NRG1: variants seen among roughly 807,000 people sequenced by gnomAD.
NRG1 encodes the protein pro-neuregulin-1, membrane-bound isoform.
A neutral mutation model predicts 63.8 loss-of-function variants in NRG1; 18 were observed. That is an observed-to-expected ratio of 0.28 (90% CI 0.19 to 0.42). NRG1 has a LOEUF of 0.42. Among genes scored for constraint, NRG1 ranks in the 10% least tolerant of loss-of-function variants. The probability of loss-of-function intolerance (pLI) is 1.00; values close to 1 mark genes in which losing one functional copy is unlikely to be tolerated. For synonymous variants in NRG1, 302 were observed against 301.3 expected (o/e 1.00, Z -0.02); for missense variants, 762 against 814.7 (o/e 0.94, Z 0.79).
At chr8:32,602,952 CTAATAT>C (rs773287751) in intron 2 of NRG1, among the ~76,000 whole-genome samples, 3 of 152,124 alleles carry the variant, frequency 2.0e-5, no homozygotes, top group Non-Finnish European at 4.4e-5. Flanking sequence ...GGGTGATATT[CTAATAT>C]TGTTTTATTT....
chr8:32,194,752 T>C (rs1842809586), intron 1 of NRG1, among the ~76,000 whole-genome samples: 1 of 152,156 alleles, frequency 6.6e-6, no homozygotes, highest in African/African-American at 2.4e-5. Context: ...AAAGCAATCT[T>C]ACCTGAGAAA....
intron 3 of NRG1, among the ~76,000 whole-genome samples, chr8:32,611,283 A>C (rs1393840943): frequency 6.6e-6 from 1 of 152,082 alleles, no homozygotes; most frequent in Non-Finnish European, 1.5e-5. Context: ...ATTTTTATAA[A>C]ATTTAATTAA....
At chr8:32,507,105 G>C (rs1008374883) in intron 1 of NRG1, among the ~76,000 whole-genome samples, 6 of 152,106 alleles carry the variant, frequency 3.9e-5, no homozygotes, top group Non-Finnish European at 7.3e-5. Flanking sequence ...TGATGGGAGA[G>C]AGGGAAGATA....
intron 5 of NRG1, among the ~76,000 whole-genome samples, chr8:32,727,080 C>T (rs1822398455): frequency 6.6e-6 from 1 of 152,112 alleles, no homozygotes; most frequent in Non-Finnish European, 1.5e-5. Flanking sequence ...TGAGAAGAAA[C>T]ATCCTGGTAC....
chr8:32,286,760 G>A (rs1032805024), intron 1 of NRG1, among the ~76,000 whole-genome samples: 1 of 152,122 alleles, frequency 6.6e-6, no homozygotes, highest in African/African-American at 2.4e-5. Flanking sequence ...ACACTTAGAG[G>A]CCGAGGCAGG....
intron 1 of NRG1, chr8:32,026,419 T>C (rs1426586228): frequency 6.6e-6 from 1 of 152,200 alleles, no homozygotes; most frequent in African/African-American, 2.4e-5. Context: ...ATGGGTCTTT[T>C]TCTATGAATT....
intron 1 of NRG1, among the ~76,000 whole-genome samples, chr8:31,710,400 G>A (rs956111044): frequency 1.3e-5 from 2 of 151,792 alleles, no homozygotes; most frequent in Non-Finnish European, 2.9e-5. Context: ...CTAATATAAA[G>A]TATTTTTGGT....
chr8:32,080,764 C>CGTGTGTGT (rs3084557), intron 1 of NRG1, among the ~76,000 whole-genome samples: 11 of 148,728 alleles, frequency 7.4e-5, no homozygotes, highest in African/African-American at 2.7e-4. Context: ...TGTGTGTGTG[C>CGTGTGTGT]GTGTGTGTGT....
intron 1 of NRG1, among the ~76,000 whole-genome samples, chr8:32,204,593 G>A (rs193144490): frequency 1.7e-3 from 258 of 152,314 alleles, no homozygotes; most frequent in Admixed American, 3.3e-3. Flanking sequence ...AGTGAATTAT[G>A]AGAAGTAAAT....
chr8:32,177,734 A>T (rs1275953869), intron 1 of NRG1, among the ~76,000 whole-genome samples: 1 of 152,040 alleles, frequency 6.6e-6, no homozygotes, highest in Non-Finnish European at 1.5e-5. Context: ...ATCAAAATAA[A>T]CCACTTTGCA....
At chr8:32,235,575 C>G (rs1039859550) in intron 1 of NRG1, among the ~76,000 whole-genome samples, 5 of 152,036 alleles carry the variant, frequency 3.3e-5, no homozygotes, top group Non-Finnish European at 7.4e-5. Context: ...AGGATGAGAC[C>G]AGAAGGGGTC....
chr8:32,543,719 TAG>T (rs1563609493), upstream of NRG1, among the ~76,000 whole-genome samples: 1 of 152,294 alleles, frequency 6.6e-6, no homozygotes, highest in East Asian at 1.9e-4. Flanking sequence ...AACATAAACA[TAG>T]ATTTGATTTT....
At chr8:32,373,853 C>A (rs1809266575) in intron 1 of NRG1, among the ~76,000 whole-genome samples, 1 of 152,040 alleles carries the variant, frequency 6.6e-6, no homozygotes, top group Admixed American at 6.6e-5. Flanking sequence ...TTAAAAAAAA[C>A]TTGAGAAATG....
intron 1 of NRG1, among the ~76,000 whole-genome samples, chr8:32,357,718 A>G (rs1587031150): frequency 1.3e-5 from 2 of 152,070 alleles, no homozygotes; most frequent in South Asian, 2.1e-4. Context: ...ATGACAATTT[A>G]TCTATTCACT....
At chr8:31,897,699 G>C (rs1418618265) in intron 1 of NRG1, among the ~76,000 whole-genome samples, 1 of 152,022 alleles carries the variant, frequency 6.6e-6, no homozygotes, top group Non-Finnish European at 1.5e-5. Flanking sequence ...ACTATAACTT[G>C]ACTCTTTCAT....
At chr8:32,623,086 G>C (rs571418265) in intron 5 of NRG1, among the ~76,000 whole-genome samples, 1 of 152,194 alleles carries the variant, frequency 6.6e-6, no homozygotes, top group African/African-American at 2.4e-5. Flanking sequence ...TGAATGAAAT[G>C]AACAATTCAG....
intron 1 of NRG1, among the ~76,000 whole-genome samples, chr8:32,068,464 G>T (rs1417001981): frequency 1.3e-5 from 2 of 152,194 alleles, no homozygotes; most frequent in Non-Finnish European, 2.9e-5. Context: ...ACAAAGACAT[G>T]CATGAAAGGC....
At chr8:32,397,196 T>G (rs1015315968) in intron 1 of NRG1, among the ~76,000 whole-genome samples, 1 of 152,220 alleles carries the variant, frequency 6.6e-6, no homozygotes, top group African/African-American at 2.4e-5. Flanking sequence ...CTAATTTTTC[T>G]ATATATTTTC....
intron 1 of NRG1, among the ~76,000 whole-genome samples, chr8:32,129,547 G>T (rs2131617306): frequency 6.6e-6 from 1 of 152,000 alleles, no homozygotes; most frequent in Non-Finnish European, 1.5e-5. Flanking sequence ...ATCTTAACTT[G>T]ATTACATCTG....
Sources: gnomAD v4.1 joint callset for allele counts (sites outside exome capture counted in the v4.1 genomes callset) on GRCh38, gnomAD v4.1.1 for gene constraint, MANE v1.5 for transcripts, NCBI Gene and HGNC (gene_info 2026-07-23, HGNC 2026-07-21) for gene names.